The following PTPRN2 variants were observed in gnomAD, a reference collection of about 807,000 sequenced individuals.
PTPRN2 encodes receptor-type tyrosine-protein phosphatase N2.
In PTPRN2, 74 loss-of-function variants were observed where a neutral mutation model predicts 118.8. The observed-to-expected ratio is 0.62, with a 90% CI of 0.52 to 0.76. The LOEUF (loss-of-function observed/expected upper bound fraction) is 0.76. PTPRN2 is among the 30% of genes least tolerant of loss of function. The probability of loss-of-function intolerance (pLI) is 0.00; values close to 1 mark genes in which losing one functional copy is unlikely to be tolerated. For synonymous variants in PTPRN2, 641 were observed against 608.0 expected (o/e 1.05, Z -0.80); for missense variants, 1,481 against 1,394.4 (o/e 1.06, Z -0.99).
intron 12 of PTPRN2, among the ~76,000 whole-genome samples, chr7:157,793,197 C>G (rs2151080098): frequency 6.6e-6 from 1 of 152,242 alleles, no homozygotes; most frequent in Admixed American, 6.5e-5. Flanking sequence ...GCCGAGAGTC[C>G]CCTGCTGTTC....
intron 11 of PTPRN2, among the ~76,000 whole-genome samples, chr7:158,013,349 C>T (rs746236093): frequency 1.3e-5 from 2 of 152,150 alleles, no homozygotes; most frequent in Non-Finnish European, 2.9e-5. Flanking sequence ...CTCCAGCAAA[C>T]CATTCATCTA....
rs1411307795 is a variant in PTPRN2 at position 158,306,868 on chromosome 7, T to G, written c.277+9951A>C. Among the ~76,000 whole-genome samples, 286 of 147,272 alleles carry G rather than the reference T, an allele frequency of 1.9e-3. 4 individuals are homozygous for G. Among genetic ancestry groups the G allele is most frequent in the African/African-American group, 2.8e-3 (110 of 39,714 alleles). ...GAGCTGTTTTTTGTTTTTTTTTTTT[T>G]TTTTTTTTTTTTTTTTTAGACAGAG... On this transcript the variant is annotated intron_variant, in intron 3 of 22. Transcript: ENST00000389418.
rs112690634 is a variant in PTPRN2, at chr7:158,115,595, G to A, written c.1557-4680C>T. On this transcript the variant is annotated intron_variant, in intron 9 of 22. Coordinates refer to ENST00000389418, the MANE Select transcript of PTPRN2 (RefSeq NM_002847.5). Reference sequence around the variant, plus strand: ...AATGAGATCAGTGCCCTCTACAAGAGGCTCTGTAGATCTTTTTCCTTCATG... The same window carrying A: ...AATGAGATCAGTGCCCTCTACAAGAAGCTCTGTAGATCTTTTTCCTTCATG... 2.0e-3 allele frequency among the ~76,000 whole-genome samples: 310 copies of A among 152,192 alleles called. 1 individual carries two copies. Among genetic ancestry groups the A allele is most frequent in the African/African-American group, 6.8e-3 (284 of 41,538 alleles).
rs183047057 is a variant in PTPRN2, at chr7:158,297,607, G to A, written c.277+19212C>T. On this transcript the variant is annotated intron_variant, in intron 3 of 22. Transcript: ENST00000389418. ...AGGAGGGGTCTTTCAGAGTCATTAA[G>A]GACAGGTCCCAAAGAAATATGGACT... is the stretch of plus-strand genomic sequence containing the variant. 3.2e-4 allele frequency among the ~76,000 whole-genome samples: 48 copies of A among 152,264 alleles called. 1 individual carries two copies. The highest frequency in any genetic ancestry group is 8.3e-4 in the South Asian group (4 of 4,818).
At chr7:158,085,352 C>A (rs1813251027) in intron 10 of PTPRN2, among the ~76,000 whole-genome samples, 1 of 124,970 alleles carries the variant, frequency 8.0e-6, no homozygotes. Context: ...CCATGACGCC[C>A]ATCCACACCC....
chr7:158,210,451 TAAAAG>T (rs1260180488), intron 3 of PTPRN2, among the ~76,000 whole-genome samples: 5 of 151,718 alleles, frequency 3.3e-5, no homozygotes, highest in Middle Eastern at 3.4e-3. Flanking sequence ...CCAAAATTAG[TAAAAG>T]AAAAGAAATA....
chr7:157,850,315 C>T (rs577000806), intron 12 of PTPRN2, among the ~76,000 whole-genome samples: 2 of 93,136 alleles, frequency 2.1e-5, no homozygotes, highest in East Asian at 7.2e-4. Context: ...CCCAGGTCTC[C>T]GAATTTCCGA....
intron 13 of PTPRN2, among the ~76,000 whole-genome samples, chr7:157,663,139 T>C (rs1042147660): frequency 1.3e-5 from 2 of 151,968 alleles, no homozygotes; most frequent in African/African-American, 4.8e-5. Flanking sequence ...CCCCCGGCCA[T>C]AACCCAGGCT....
At chr7:158,059,226 C>T (rs868505054) in intron 11 of PTPRN2, among the ~76,000 whole-genome samples, 1 of 130,630 alleles carries the variant, frequency 7.7e-6, no homozygotes, top group Non-Finnish European at 1.6e-5. Flanking sequence ...GACATCACTG[C>T]AGCCACACTC....
At chr7:157,899,793 T>C (rs1584979356) in intron 11 of PTPRN2, among the ~76,000 whole-genome samples, 1 of 152,278 alleles carries the variant, frequency 6.6e-6, no homozygotes, top group East Asian at 1.9e-4. Flanking sequence ...TACATATAAC[T>C]AATTACCTAC....
At chr7:158,294,898 G>A (rs1800366427) in intron 3 of PTPRN2, among the ~76,000 whole-genome samples, 1 of 135,762 alleles carries the variant, frequency 7.4e-6, no homozygotes, top group Non-Finnish European at 1.5e-5. Context: ...GACCCTGCCT[G>A]TCTGCCCAGA....
intron 11 of PTPRN2, among the ~76,000 whole-genome samples, chr7:157,917,018 C>T (rs10240950): frequency 4.2e-4 from 60 of 142,674 alleles, no homozygotes; most frequent in African/African-American, 1.5e-3. Context: ...CTCCGGGACA[C>T]GTCCAATACA....
At chr7:158,344,146 C>T (rs1013868021) in intron 2 of PTPRN2, among the ~76,000 whole-genome samples, 10 of 152,062 alleles carry the variant, frequency 6.6e-5, no homozygotes, top group Admixed American at 2.6e-4. Context: ...CCTTAGAAGC[C>T]GTGACAACGA....
intron 1 of PTPRN2, among the ~76,000 whole-genome samples, chr7:158,584,715 G>T (rs1314949872): frequency 2.6e-5 from 4 of 152,226 alleles, no homozygotes; most frequent in Non-Finnish European, 5.9e-5. Context: ...GCTGCCAACA[G>T]CTGTTCTGGA....
chr7:157,924,303 A>G (rs1201966411), intron 11 of PTPRN2, among the ~76,000 whole-genome samples: 1 of 152,238 alleles, frequency 6.6e-6, no homozygotes, highest in Non-Finnish European at 1.5e-5. Context: ...GTCCATTGGA[A>G]CATCAGAAAG....
chr7:157,939,724 CTG>C (rs2128789227), intron 11 of PTPRN2, among the ~76,000 whole-genome samples: 1 of 152,370 alleles, frequency 6.6e-6, no homozygotes, highest in South Asian at 2.1e-4. Flanking sequence ...ATCTTACAAC[CTG>C]TGTTAATACC....
intron 12 of PTPRN2, among the ~76,000 whole-genome samples, chr7:157,719,550 G>C (rs891096998): frequency 2.6e-5 from 4 of 152,266 alleles, no homozygotes; most frequent in African/African-American, 2.4e-5. Context: ...CTGCTGTCCA[G>C]TTCTTGGCAT....
Position 158,290,437 on chromosome 7 carries a change from G to A in PTPRN2, c.277+26382C>T, listed in dbSNP as rs148091403. ...AGGCCAATGGGGTCAACCTGTATGCGGAGTGGGCCCAGAGACTAAGTCCAC... is the reference window on the plus strand; with the variant it reads ...AGGCCAATGGGGTCAACCTGTATGCAGAGTGGGCCCAGAGACTAAGTCCAC... On this transcript the variant is annotated intron_variant, in intron 3 of 22. Coordinates refer to ENST00000389418, the MANE Select transcript of PTPRN2 (RefSeq NM_002847.5). 4.4e-3 allele frequency among the ~76,000 whole-genome samples: 673 copies of A among 152,068 alleles called. 3 individuals carry two copies. Among genetic ancestry groups the A allele is most frequent in the Non-Finnish European group, 7.3e-3 (497 of 67,976 alleles).
intron 3 of PTPRN2, among the ~76,000 whole-genome samples, chr7:158,210,129 ATCT>A (rs1256740501): frequency 2.3e-5 from 3 of 128,674 alleles, no homozygotes; most frequent in African/African-American, 9.9e-5. Flanking sequence ...CTAATGATGC[ATCT>A]TTTTTTTTTT....
Sources: allele counts gnomAD v4.1 joint callset (sites outside exome capture counted in the v4.1 genomes callset), GRCh38; gene constraint gnomAD v4.1.1; transcripts MANE v1.5; gene names NCBI Gene and HGNC (gene_info 2026-07-23, HGNC 2026-07-21).